Variants in LUZP2 observed in about 807,000 individuals in gnomAD.
LUZP2 encodes the protein leucine zipper protein 2.
Under a neutral mutation model 51.6 loss-of-function variants are expected in LUZP2, and 52 were observed. The ratio of observed to expected loss-of-function variants is 1.01; its 90% CI spans 0.81 to 1.27. The LOEUF (loss-of-function observed/expected upper bound fraction) is 1.27. Ranked by LOEUF, LUZP2 falls within the 50% of genes most tolerant of loss-of-function variation. The probability of loss-of-function intolerance (pLI) is 0.00; values close to 1 mark genes in which losing one functional copy is unlikely to be tolerated. For missense variants in LUZP2, 436 were observed against 395.4 expected (o/e 1.10, Z -0.87); for synonymous variants, 154 against 137.3 (o/e 1.12, Z -0.85).
At chr11:24,558,379 GTT>G (rs5790412) in intron 1 of LUZP2, among the ~76,000 whole-genome samples, 2 of 149,938 alleles carry the variant, frequency 1.3e-5, no homozygotes, top group African/African-American at 2.5e-5. Context: ...AATCTTTTTT[GTT>G]TTTTTTTCAT....
At chr11:24,693,237 T>C (rs1316627219) in intron 1 of LUZP2, among the ~76,000 whole-genome samples, 1 of 151,724 alleles carries the variant, frequency 6.6e-6, no homozygotes, top group Non-Finnish European at 1.5e-5. Flanking sequence ...AAGCATGGTT[T>C]TTATACAGCA....
rs561661904 is a variant in LUZP2, at chr11:24,957,671, A to C, written c.523-18920A>C. Among the ~76,000 whole-genome samples, 23 of 152,214 alleles carry C rather than the reference A, an allele frequency of 1.5e-4. 1 individual carries two copies. The highest frequency in any genetic ancestry group is 4.8e-4 in the African/African-American group (20 of 41,536). ...CCATCCATGTTGTTACAAATGACAA[A>C]ATTTATTTCTTTTCAAAGGCTGAAT... On this transcript the variant is annotated intron_variant, in intron 7 of 11. Transcript: ENST00000336930.
intron 5 of LUZP2, among the ~76,000 whole-genome samples, chr11:24,828,946 G>T (rs892222557): frequency 6.6e-6 from 1 of 152,132 alleles, no homozygotes; most frequent in Non-Finnish European, 1.5e-5. Context: ...AGTAACCCTG[G>T]GTTCCAGCTT....
chr11:24,775,540 C>T (rs777380652), intron 5 of LUZP2, among the ~76,000 whole-genome samples: 1 of 152,164 alleles, frequency 6.6e-6, no homozygotes, highest in South Asian at 2.1e-4. Context: ...AGACTTTTTA[C>T]TTAGTATTCC....
chr11:24,923,713 G>A (rs749774189), intron 7 of LUZP2, among the ~76,000 whole-genome samples: 1 of 151,880 alleles, frequency 6.6e-6, no homozygotes, highest in African/African-American at 2.4e-5. Context: ...ACTTCCCCAG[G>A]GTGCTCCCTC....
In LUZP2 at chr11:24,915,631, T is replaced by G. The variant is rs75703467; in HGVS notation, c.522+1093T>G. 3.8e-3 allele frequency among the ~76,000 whole-genome samples: 575 copies of G among 150,976 alleles called. 3 individuals are homozygous for G. Among genetic ancestry groups the G allele is most frequent in the African/African-American group, 0.013 (534 of 41,108 alleles). Reference sequence around the variant, plus strand: ...AGTTGCTGTGGGTTTAAGTCTTGAATAAACATATGTTGATGATAGACAGAT... The same window carrying G: ...AGTTGCTGTGGGTTTAAGTCTTGAAGAAACATATGTTGATGATAGACAGAT... On this transcript the variant is annotated intron_variant, in intron 7 of 11. Transcript: ENST00000336930.
chr11:24,826,190 A>AAAAAAAATATAT (rs1215786412), intron 5 of LUZP2, among the ~76,000 whole-genome samples: 12 of 67,530 alleles, frequency 1.8e-4, no homozygotes, highest in Admixed American at 2.4e-4. Context: ...AAAAAAAAAA[A>AAAAAAAATATAT]ATATATATAT....
At chr11:25,016,902 G>C (rs1375523926) in intron 9 of LUZP2, among the ~76,000 whole-genome samples, 1 of 151,406 alleles carries the variant, frequency 6.6e-6, no homozygotes, top group Non-Finnish European at 1.5e-5. Context: ...CAATGTATAA[G>C]CATCCCCTTT....
At chr11:24,727,570 A>G (rs1277636873) in intron 1 of LUZP2, among the ~76,000 whole-genome samples, 1 of 152,048 alleles carries the variant, frequency 6.6e-6, no homozygotes, top group Non-Finnish European at 1.5e-5. Flanking sequence ...ATGATTTTGG[A>G]GATGTGTTTA....
At chr11:24,668,644 A>G (rs1425559754) in intron 1 of LUZP2, among the ~76,000 whole-genome samples, 2 of 152,202 alleles carry the variant, frequency 1.3e-5, no homozygotes, top group Non-Finnish European at 2.9e-5. Context: ...AAAGAGTCAT[A>G]CAAGAGTGAC....
At chr11:24,747,726 T>G (rs947828109) in intron 4 of LUZP2, among the ~76,000 whole-genome samples, 3 of 152,026 alleles carry the variant, frequency 2.0e-5, no homozygotes, top group Non-Finnish European at 4.4e-5. Flanking sequence ...GGGTGGGTCT[T>G]GCTGTGGCTG....
chr11:24,961,342 T>C (rs1207331969), intron 7 of LUZP2, among the ~76,000 whole-genome samples: 5 of 152,190 alleles, frequency 3.3e-5, no homozygotes, highest in Non-Finnish European at 4.4e-5. Flanking sequence ...ATGTTGACAG[T>C]GGGGTGTTAA....
chr11:24,515,519 C>A (rs1444606194), intron 1 of LUZP2, among the ~76,000 whole-genome samples: 1 of 152,052 alleles, frequency 6.6e-6, no homozygotes, highest in African/African-American at 2.4e-5. Flanking sequence ...GAAAATACAT[C>A]CTTCATAGAA....
rs78973063 is a variant in LUZP2 at position 25,019,361 on chromosome 11, T to C, written c.766-30677T>C. Reference sequence around the variant, plus strand: ...GAAATAATAAGTTGCTCACAAAAGGTGACACAGTTTAACTTTTTGTGAATG... The same window carrying C: ...GAAATAATAAGTTGCTCACAAAAGGCGACACAGTTTAACTTTTTGTGAATG... On this transcript the variant is annotated intron_variant, in intron 9 of 11. Transcript: ENST00000336930. Among the ~76,000 whole-genome samples the C allele has an allele frequency of 2.1e-3, 321 of 152,270 alleles. 1 individual carries two copies. The highest frequency in any genetic ancestry group is 7.5e-3 in the African/African-American group (312 of 41,574).
chr11:24,867,009 A>G (rs1433021277), intron 5 of LUZP2, among the ~76,000 whole-genome samples: 1 of 152,152 alleles, frequency 6.6e-6, no homozygotes, highest in Admixed American at 6.5e-5. Context: ...AAAGCAGGAC[A>G]CTGATAAAAG....
At position 24,497,191 on chromosome 11, in the gene LUZP2, C is replaced by G. The variant is rs114509228; in HGVS notation, c.-53C>G. On this transcript the variant is annotated 5_prime_UTR_variant, in exon 1 of 12. Transcript: ENST00000336930. ...CGGGCACCAAGGAGCGACAGGATCC[C>G]GAAGAGAGAGAGAGAAGGCAGCGAG... The G allele has an allele frequency of 4.7e-6, 7 of 1,488,704 alleles. No individual in the cohort carries two copies. Among genetic ancestry groups the G allele is most frequent in the African/African-American group, 2.8e-5 (2 of 70,190 alleles). 92.2% of individuals were successfully genotyped at this position (1,488,704 alleles called of 1,614,324 possible). A position where few individuals can be genotyped will look rare whatever the true frequency, so the allele number is the denominator to read the frequency against.
chr11:24,816,894 TCA>T (rs1170476461), intron 5 of LUZP2, among the ~76,000 whole-genome samples: 1 of 152,016 alleles, frequency 6.6e-6, no homozygotes, highest in East Asian at 1.9e-4. Context: ...TATTTGATAT[TCA>T]GTTTATTTAC....
intron 1 of LUZP2, among the ~76,000 whole-genome samples, chr11:24,585,043 A>T (rs1853013256): frequency 6.6e-6 from 1 of 152,162 alleles, no homozygotes; most frequent in African/African-American, 2.4e-5. Flanking sequence ...AGGAAGGGAT[A>T]GGGCCTGGGT....
chr11:24,940,986 A>T (rs1318172598), intron 7 of LUZP2, among the ~76,000 whole-genome samples: 1 of 152,232 alleles, frequency 6.6e-6, no homozygotes, highest in African/African-American at 2.4e-5. Flanking sequence ...AGACAGAAAT[A>T]GAAAAATAAA....
Sources: gnomAD v4.1 joint callset for allele counts (sites outside exome capture counted in the v4.1 genomes callset) on GRCh38, gnomAD v4.1.1 for gene constraint, MANE v1.5 for transcripts, NCBI Gene and HGNC (gene_info 2026-07-23, HGNC 2026-07-21) for gene names.